Variants in ATRNL1 observed in about 807,000 individuals in gnomAD.
The protein encoded by ATRNL1 is attractin-like protein 1.
ATRNL1 carries 95 observed loss-of-function variants against 182.7 expected under a neutral mutation model. That is an observed-to-expected ratio of 0.52 (90% CI 0.44 to 0.62). The LOEUF (loss-of-function observed/expected upper bound fraction) is 0.62. ATRNL1 is among the 20% of genes least tolerant of loss of function. The pLI is 0.00. For synonymous variants in ATRNL1, 576 were observed against 568.3 expected, an observed-to-expected ratio of 1.01 and a Z score of -0.19; for missense variants, 1,471 against 1,679.5, an observed-to-expected ratio of 0.88 and a Z score of 2.17.
chr10:115,160,186 A>G lies in ATRNL1; in HGVS notation c.976A>G (p.Asn326Asp), dbSNP rs781816058. 3 of 1,612,208 alleles carry G rather than the reference A, an allele frequency of 1.9e-6. No homozygotes were observed. The East Asian group carries it at 6.7e-5, about 36-fold the overall frequency. ...GTGGGTGATTGGTGGATATACTTTT[A>G]ACTACAGTTCTTTTCAAATGGTCCT... is the stretch of plus-strand genomic sequence containing the variant. ...FMWVIGGYTF[N>D]YSSFQMVLNY... The change falls in exon 6 of 29, where the codon AAC becomes GAC. Residue 326 changes from asparagine (N) to aspartate (D), a missense_variant. This residue lies in a region of ATRNL1 where 1,031 missense variants were observed against 1,156.0 expected (regional missense o/e 0.89). Coordinates refer to ENST00000355044, the MANE Select transcript of ATRNL1 (RefSeq NM_207303.4).
Position 115,835,563 on chromosome 10 carries a change from G to A in ATRNL1, c.3904-12314G>A, listed in dbSNP as rs147308936. On this transcript the variant is annotated intron_variant, in intron 27 of 28. Transcript: ENST00000355044. ...AATATAGCGGCCTCAGAAGCCTGGT[G>A]AGGAACAAAAGTATAAATGCCCAAT... is the stretch of plus-strand genomic sequence containing the variant. 6.7e-3 allele frequency among the ~76,000 whole-genome samples: 1,023 copies of A among 152,294 alleles called. 2 individuals carry two copies. The highest frequency in any genetic ancestry group is 0.041 in the Middle Eastern group (12 of 294).
At chr10:115,900,675 C>T (rs1406802779) in intron 28 of ATRNL1, among the ~76,000 whole-genome samples, 2 of 152,136 alleles carry the variant, frequency 1.3e-5, no homozygotes, top group African/African-American at 2.4e-5. Flanking sequence ...CTCATGCCCA[C>T]GTAGTTAGGA....
Position 115,301,232 on chromosome 10 carries a change from C to A in ATRNL1, c.2630-623C>A, listed in dbSNP as rs1259623178. Among the ~76,000 whole-genome samples, 7 of 152,222 alleles carry A rather than the reference C, an allele frequency of 4.6e-5. No individual in the cohort carries two copies. The East Asian group carries it at 1.3e-3, about 29-fold the overall frequency. On this transcript the variant is annotated intron_variant, in intron 16 of 28. Coordinates refer to ENST00000355044, the MANE Select transcript of ATRNL1 (RefSeq NM_207303.4). ...GTATGAATAACTGTTCAGCTTCTTG[C>A]TTTCACTTCTTTGGGGTATATATAT...
chr10:115,207,702 A>G (rs1848854441), intron 8 of ATRNL1, among the ~76,000 whole-genome samples: 1 of 152,046 alleles, frequency 6.6e-6, no homozygotes, highest in South Asian at 2.1e-4. Flanking sequence ...TAGCTTAAAA[A>G]TGTGACTCCA....
chr10:115,266,879 A>G lies in ATRNL1; in HGVS notation c.1855A>G (p.Arg619Gly). The G allele has an allele frequency of 1.2e-6, 2 of 1,612,392 alleles. No individual in the cohort carries two copies. The highest frequency in any genetic ancestry group is 1.7e-6 in the Non-Finnish European group (2 of 1,178,872). Residue 619 changes from arginine to glycine, a missense_variant, in exon 12 of 29, where the codon AGA (arginine) becomes GGA (glycine). Coordinates refer to ENST00000355044, the MANE Select transcript of ATRNL1 (RefSeq NM_207303.4). ...VYKPPNCKAF[R>G]DEELCKNAGP... ...CAAGCCTCCAAATTGCAAGGCTTTC[A>G]GAGATGAAGAACTTTGTAAAAATGC...
chr10:115,187,927 A>T (rs183973636), intron 8 of ATRNL1, among the ~76,000 whole-genome samples: 2,814 of 151,048 alleles, frequency 0.019, 104 homozygotes, highest in African/African-American at 0.065. Context: ...TGATCCACCC[A>T]CCTCGGTCTC....
intron 24 of ATRNL1, among the ~76,000 whole-genome samples, chr10:115,478,478 A>G (rs1230158056): frequency 6.6e-6 from 1 of 151,838 alleles, no homozygotes. Context: ...CCTCTCTACA[A>G]CATGACACTG....
chr10:115,214,041 TACAC>T (rs149167399), intron 8 of ATRNL1, among the ~76,000 whole-genome samples: 30 of 147,196 alleles, frequency 2.0e-4, no homozygotes, highest in African/African-American at 4.5e-4. Context: ...TACAAATATG[TACAC>T]ACACACACAC....
At chr10:115,917,485 A>G (rs28441112) in intron 28 of ATRNL1, among the ~76,000 whole-genome samples, 21 of 5,314 alleles carry the variant, frequency 4.0e-3, no homozygotes, top group Admixed American at 0.033. Flanking sequence ...AAAAAAAAAA[A>G]GAAAAAAAAA....
At chr10:115,308,375 A>C (rs1004080764) in intron 17 of ATRNL1, among the ~76,000 whole-genome samples, 2 of 152,130 alleles carry the variant, frequency 1.3e-5, no homozygotes, top group African/African-American at 2.4e-5. Context: ...GGTTCAAATG[A>C]AAATTCAATT....
In ATRNL1 at chr10:115,720,933, A is replaced by T. The variant is rs141134241; in HGVS notation, c.3796-6315A>T. Among the ~76,000 whole-genome samples the T allele has an allele frequency of 1.2e-4, 18 of 152,330 alleles. No homozygotes were observed. The East Asian group carries it at 3.3e-3, about 28-fold the overall frequency. On this transcript the variant is annotated intron_variant, in intron 26 of 28. Coordinates refer to ENST00000355044, the MANE Select transcript of ATRNL1 (RefSeq NM_207303.4). ...TTGATTTATTTCTTGAAATAACTTA[A>T]GGAAGTAGAGTTACATTTTGGTTCA...
intron 20 of ATRNL1, among the ~76,000 whole-genome samples, chr10:115,400,827 T>C (rs1035144670): frequency 1.3e-5 from 2 of 152,094 alleles, no homozygotes; most frequent in Admixed American, 1.3e-4. Context: ...TTTGAGGCTA[T>C]GTGTGTCATT....
chr10:115,130,374 C>A (rs1206835232), intron 5 of ATRNL1, among the ~76,000 whole-genome samples: 1 of 151,978 alleles, frequency 6.6e-6, no homozygotes, highest in East Asian at 1.9e-4. Flanking sequence ...AAGTTAAAAA[C>A]CAAAGAGAAC....
intron 28 of ATRNL1, among the ~76,000 whole-genome samples, chr10:115,929,004 A>G (rs1301935644): frequency 6.6e-6 from 1 of 152,034 alleles, no homozygotes; most frequent in African/African-American, 2.4e-5. Flanking sequence ...GTTCTTCTTT[A>G]GTGTTCACTA....
At chr10:115,211,241 ATTCT>A (rs1849012063) in intron 8 of ATRNL1, among the ~76,000 whole-genome samples, 1 of 150,598 alleles carries the variant, frequency 6.6e-6, no homozygotes, top group African/African-American at 2.4e-5. Context: ...CTAATGACAA[ATTCT>A]TTTTTTTTTT....
chr10:115,702,753 A>G (rs1377193680), intron 26 of ATRNL1, among the ~76,000 whole-genome samples: 1 of 152,066 alleles, frequency 6.6e-6, no homozygotes, highest in Non-Finnish European at 1.5e-5. Flanking sequence ...AGATCTCTAC[A>G]AGGAGAACTA....
intron 26 of ATRNL1, among the ~76,000 whole-genome samples, chr10:115,623,151 G>C (rs978359079): frequency 6.6e-6 from 1 of 152,162 alleles, no homozygotes; most frequent in Middle Eastern, 3.4e-3. Context: ...GAATCACCTT[G>C]ATTTATAAGG....
intron 26 of ATRNL1, among the ~76,000 whole-genome samples, chr10:115,705,862 T>G (rs1180498187): frequency 6.6e-6 from 1 of 151,972 alleles, no homozygotes; most frequent in Non-Finnish European, 1.5e-5. Flanking sequence ...AACAACTTTT[T>G]CTAGGCTTAA....
rs535055958 is a variant in ATRNL1, at chr10:115,891,965, T to C, written c.4018+43974T>C. Reference sequence around the variant, plus strand: ...TACGGATGCTCACACATTTACTTCCTGAATGGTAGATGCAGGGTAAGAAAA... The same window carrying C: ...TACGGATGCTCACACATTTACTTCCCGAATGGTAGATGCAGGGTAAGAAAA... On this transcript the variant is annotated intron_variant, in intron 28 of 28. Coordinates refer to ENST00000355044, the MANE Select transcript of ATRNL1 (RefSeq NM_207303.4). Among the ~76,000 whole-genome samples, 5 of 152,326 alleles carry C rather than the reference T, an allele frequency of 3.3e-5. No homozygotes were observed. The South Asian group carries it at 1.0e-3, about 32-fold the overall frequency.
Sources: allele counts gnomAD v4.1 joint callset (sites outside exome capture counted in the v4.1 genomes callset), GRCh38; gene constraint gnomAD v4.1.1; regional missense constraint gnomAD v4.1.1; transcripts MANE v1.5; gene names NCBI Gene and HGNC (gene_info 2026-07-23, HGNC 2026-07-21).